The following LSAMP variants were observed in gnomAD, a reference collection of about 807,000 sequenced individuals.
The protein encoded by LSAMP is limbic system-associated membrane protein.
LSAMP carries 7 observed loss-of-function variants against 38.6 expected under a neutral mutation model. That is an observed-to-expected ratio of 0.18 (90% CI 0.10 to 0.34). LSAMP has a LOEUF of 0.34. Among genes scored for constraint, LSAMP ranks in the 10% least tolerant of loss-of-function variants. LSAMP has a pLI of 1.00. For synonymous variants in LSAMP, 154 were observed against 166.8 expected (o/e 0.92, Z 0.59); for missense variants, 313 against 420.0 (o/e 0.75, Z 2.23).
rs141486370 is a variant in LSAMP at position 115,814,884 on chromosome 3, A to G, written c.920-4470T>C. 1.6e-4 allele frequency among the ~76,000 whole-genome samples: 24 copies of G among 152,330 alleles called. No homozygotes were observed. The East Asian group carries it at 4.4e-3, about 28-fold the overall frequency. ...AGTCTCCTAAGAATCTGCCTCCCGT[A>G]GCATCTAGCCCAGCGGACTAAGGCA... On this transcript the variant is annotated intron_variant, in intron 6 of 6. Coordinates refer to ENST00000490035, the MANE Select transcript of LSAMP (RefSeq NM_002338.5).
chr3:116,054,212 T>TCTGAAGCTATGTTTC (rs1360393666), intron 2 of LSAMP, among the ~76,000 whole-genome samples: 2 of 152,202 alleles, frequency 1.3e-5, no homozygotes, highest in Non-Finnish European at 2.9e-5. Context: ...TGATTTTGAC[T>TCTGAAGCTATGTTTC]CTGAAGCTAT....
At chr3:116,282,460 T>C (rs141734023) in intron 1 of LSAMP, among the ~76,000 whole-genome samples, 1,658 of 152,324 alleles carry the variant, frequency 0.011, 20 homozygotes, top group Middle Eastern at 0.048. Context: ...TAATATGTTC[T>C]TTTCTTTGAA....
chr3:116,105,002 C>T (rs1364147517), intron 1 of LSAMP, among the ~76,000 whole-genome samples: 7 of 152,126 alleles, frequency 4.6e-5, no homozygotes, highest in East Asian at 1.9e-4. Flanking sequence ...AGCAGGCACC[C>T]GTGTCAAATA....
intron 1 of LSAMP, among the ~76,000 whole-genome samples, chr3:116,322,724 T>C (rs2047722176): frequency 6.6e-6 from 1 of 152,126 alleles, no homozygotes; most frequent in Non-Finnish European, 1.5e-5. Flanking sequence ...TTGCTAAACA[T>C]TGGATCATAT....
Position 115,804,334 on chromosome 3 carries a change from C to T in LSAMP, c.*5983G>A, listed in dbSNP as rs1933581712. ...GAGTTGAAAGAGATTTTAGAGACGT[C>T]AGCCGAATCCCTCACTTTCAGGATG... On this transcript the variant is annotated 3_prime_UTR_variant, in exon 7 of 7. Coordinates refer to ENST00000490035, the MANE Select transcript of LSAMP (RefSeq NM_002338.5). The T allele has an allele frequency of 6.6e-6, 1 of 152,214 alleles. No homozygotes were observed. The highest frequency in any genetic ancestry group is 1.5e-5 in the Non-Finnish European group (1 of 68,046). The allele number at this position is 152,214 out of a possible 1,614,324, so 9.4% of individuals were successfully genotyped here.
Position 116,445,480 on chromosome 3 carries a change from C to A in LSAMP, c.-449G>T. On this transcript the variant is annotated 5_prime_UTR_variant, in exon 1 of 7. Coordinates refer to ENST00000490035, the MANE Select transcript of LSAMP (RefSeq NM_002338.5). The stretch of plus-strand genomic sequence containing the variant: ...CTGCCAGTGAGTGTACAGAAACAGC[C>A]ACACAGCAGCAGCAGCAGCAGAAGC... 2.3e-6 allele frequency: 1 copy of A among 429,534 alleles called. No individual in the cohort carries two copies. The highest frequency in any genetic ancestry group is 7.2e-5 in the South Asian group (1 of 13,934). 26.6% of individuals were successfully genotyped at this position (429,534 alleles called of 1,614,324 possible). A position where few individuals can be genotyped will look rare whatever the true frequency, so the allele number is the denominator to read the frequency against.
At chr3:116,270,010 A>G (rs1455388632) in intron 1 of LSAMP, among the ~76,000 whole-genome samples, 2 of 151,992 alleles carry the variant, frequency 1.3e-5, no homozygotes, top group African/African-American at 2.4e-5. Context: ...CATTTTTAAC[A>G]TGACAAATTT....
chr3:116,402,527 T>C (rs72951915), intron 1 of LSAMP, among the ~76,000 whole-genome samples: 16,545 of 152,128 alleles, frequency 0.11, 1,252 homozygotes, highest in African/African-American at 0.22. Context: ...TAATTGCTTA[T>C]ATAAATACAG....
At chr3:116,253,237 C>G (rs567783072) in intron 1 of LSAMP, among the ~76,000 whole-genome samples, 99 of 151,370 alleles carry the variant, frequency 6.5e-4, no homozygotes, top group African/African-American at 2.3e-3. Context: ...AAAAAAAAAC[C>G]TCTTCACCAT....
At chr3:116,020,023 T>C (rs1191967206) in intron 2 of LSAMP, among the ~76,000 whole-genome samples, 3 of 152,170 alleles carry the variant, frequency 2.0e-5, no homozygotes, top group African/African-American at 7.2e-5. Context: ...TAAATAAATA[T>C]AATCCAATGT....
chr3:116,290,454 G>A (rs2047249144), intron 1 of LSAMP, among the ~76,000 whole-genome samples: 1 of 151,968 alleles, frequency 6.6e-6, no homozygotes, highest in South Asian at 2.1e-4. Flanking sequence ...ACTTTTGGCT[G>A]GGCGCAGTGG....
At chr3:116,103,355 T>C (rs1210027722) in intron 1 of LSAMP, among the ~76,000 whole-genome samples, 2 of 149,892 alleles carry the variant, frequency 1.3e-5, no homozygotes, top group African/African-American at 2.5e-5. Flanking sequence ...TAGTCCCTGA[T>C]ACTTAGAGAT....
At chr3:116,015,086 C>T (rs75463781) in intron 3 of LSAMP, among the ~76,000 whole-genome samples, 2 of 152,160 alleles carry the variant, frequency 1.3e-5, no homozygotes, top group East Asian at 1.9e-4. Flanking sequence ...CAATATTTTC[C>T]CACTCACTCC....
At chr3:116,049,804 C>T (rs1394659781) in intron 2 of LSAMP, among the ~76,000 whole-genome samples, 7 of 152,136 alleles carry the variant, frequency 4.6e-5, no homozygotes, top group Admixed American at 2.0e-4. Flanking sequence ...TAATCAACAT[C>T]AATTGCTGAA....
At chr3:116,248,792 T>G (rs1164128648) in intron 1 of LSAMP, among the ~76,000 whole-genome samples, 2 of 152,178 alleles carry the variant, frequency 1.3e-5, no homozygotes, top group Admixed American at 1.3e-4. Flanking sequence ...AGCACACCCA[T>G]GTCTGTGTAG....
At chr3:116,027,753 T>C (rs964732650) in intron 2 of LSAMP, among the ~76,000 whole-genome samples, 2 of 152,190 alleles carry the variant, frequency 1.3e-5, no homozygotes, top group African/African-American at 4.8e-5. Context: ...AATGCCTTTA[T>C]ACTTGGTTCC....
intron 1 of LSAMP, among the ~76,000 whole-genome samples, chr3:116,345,299 T>C (rs1374388522): frequency 6.6e-6 from 1 of 152,188 alleles, no homozygotes; most frequent in African/African-American, 2.4e-5. Context: ...ACTGTTGTCA[T>C]TATCATTATA....
At chr3:116,207,309 A>C (rs2046083573) in intron 1 of LSAMP, among the ~76,000 whole-genome samples, 1 of 152,060 alleles carries the variant, frequency 6.6e-6, no homozygotes, top group South Asian at 2.1e-4. Context: ...TCTGCACATG[A>C]GTTGGGTTTC....
chr3:116,121,971 T>C (rs1299267151), intron 1 of LSAMP, among the ~76,000 whole-genome samples: 1 of 151,716 alleles, frequency 6.6e-6, no homozygotes, highest in Non-Finnish European at 1.5e-5. Context: ...TCTTCCAATA[T>C]GTCCCAGAGA....
Sources: gnomAD v4.1 joint callset for allele counts (sites outside exome capture counted in the v4.1 genomes callset) on GRCh38, gnomAD v4.1.1 for gene constraint, MANE v1.5 for transcripts, NCBI Gene and HGNC (gene_info 2026-07-23, HGNC 2026-07-21) for gene names.